HNRNPH1: variants seen among roughly 807,000 people sequenced by gnomAD.
HNRNPH1 encodes heterogeneous nuclear ribonucleoprotein H.
In HNRNPH1, 4 loss-of-function variants were observed where a neutral mutation model predicts 58.6. The observed-to-expected ratio is 0.07, with a 90% confidence interval of 0.03 to 0.16. The LOEUF (loss-of-function observed/expected upper bound fraction) is 0.16. HNRNPH1 is among the 10% of genes least tolerant of loss of function. HNRNPH1 has a pLI of 1.00. For synonymous variants in HNRNPH1, 192 were observed against 189.2 expected (o/e 1.01, Z -0.12); for missense variants, 271 against 564.2 (o/e 0.48, Z 5.26).
intron 11 of HNRNPH1, 195 bp from the exon 13 acceptor site, chr5:179,615,790 G>C: frequency 9.8e-6 from 5 of 512,270 alleles, no homozygotes; most frequent in Non-Finnish European, 1.8e-5. Flanking sequence ...ACAAAAAAGT[G>C]AACAACTTTA....
intron 12 of HNRNPH1, 152 bp downstream of exon 13, chr5:179,615,394 T>C (rs1258932475): frequency 5.8e-6 from 3 of 519,540 alleles, no homozygotes; most frequent in Non-Finnish European, 1.0e-5. Context: ...GGGCAGGAAG[T>C]GAGACAACCA....
chr5:179,630,509 A>T (rs911890448), intron 2 of HNRNPH1, among the ~76,000 whole-genome samples: 3 of 152,206 alleles, frequency 2.0e-5, no homozygotes, highest in African/African-American at 7.2e-5. Flanking sequence ...GATCATTTAA[A>T]AGAGTAATTA....
exon 13 of HNRNPH1, chr5:179,614,784 GAAAAAA>G (rs35827689): frequency 1.9e-3 from 827 of 445,302 alleles, no homozygotes; most frequent in Middle Eastern, 4.2e-3. Flanking sequence ...TTTTCTTAAA[GAAAAAA>G]AAAAAAAAAA....
chr5:179,624,186 C>T (rs758109446), exon 1 of HNRNPH1: 5 of 256,078 alleles, frequency 2.0e-5, no homozygotes, highest in East Asian at 1.4e-4. Context: ...ATCCCCAAAC[C>T]GGCCGAAGCT....
In HNRNPH1 at chr5:179,616,220, TGTTAA is replaced by T. The variant is rs149245830; in HGVS notation, c.1208-7_1208-3del. ...GGCCCCCGTAGCTGGACTGGTTTGCTGTTAAGTTAAGAAAACATTAGAACCTTTTT... is the reference window on the plus strand; with the variant it reads ...GGCCCCCGTAGCTGGACTGGTTTGCTGTTAAGAAAACATTAGAACCTTTTT... On this transcript the variant is annotated splice_polypyrimidine_tract_variant and splice_region_variant and intron_variant, in intron 10 of 12. Transcript: ENST00000356731. 3,147 of 1,613,524 alleles carry T rather than the reference TGTTAA, an allele frequency of 2.0e-3. 14 individuals carry two copies. Among genetic ancestry groups the T allele is most frequent in the African/African-American group, 0.017 (1,304 of 75,050 alleles).
At chr5:179,627,507 C>CT (rs879797533), upstream of HNRNPH1, among the ~76,000 whole-genome samples, 31 of 106,862 alleles carry the variant, frequency 2.9e-4, no homozygotes, top group South Asian at 6.5e-4. Flanking sequence ...TGATTTATGC[C>CT]TTTTTTTTTT....
chr5:179,632,575 C>A (rs1774933753), intron 2 of HNRNPH1, among the ~76,000 whole-genome samples: 1 of 152,076 alleles, frequency 6.6e-6, no homozygotes, highest in South Asian at 2.1e-4. Flanking sequence ...TCCAGCCGTC[C>A]GCTGAGGAGA....
chr5:179,616,278 C>T (rs1769602869), intron 10 of HNRNPH1, 60 bp from the exon 12 acceptor site: 1 of 1,312,554 alleles, frequency 7.6e-7, no homozygotes, highest in Non-Finnish European at 1.1e-6. Flanking sequence ...CCTGGTGGTA[C>T]CGGGCTTGTA....
intron 1 of HNRNPH1, 38 bp from the exon 3 acceptor site, chr5:179,621,435 C>T (rs757971453): frequency 1.3e-6 from 2 of 1,575,838 alleles, no homozygotes; most frequent in Non-Finnish European, 1.7e-6. Context: ...AATTTAAAAC[C>T]TAAAACCACC....
chr5:179,621,062 C>T, intron 2 of HNRNPH1, 27 bp from the exon 4 acceptor site: 1 of 1,608,932 alleles, frequency 6.2e-7, no homozygotes, highest in African/African-American at 1.3e-5. Context: ...GAATTAGTCA[C>T]TTTTGGAAAA....
chr5:179,615,375 A>G, intron 12 of HNRNPH1, 171 bp downstream of exon 13: 2 of 508,260 alleles, frequency 3.9e-6, no homozygotes, highest in South Asian at 3.7e-5. Context: ...TGCTTTTCCT[A>G]TTCATGGTGG....
At chr5:179,619,466 A>T in intron 3 of HNRNPH1, 59 bp from the exon 5 acceptor site, 1 of 1,496,788 alleles carries the variant, frequency 6.7e-7, no homozygotes. Flanking sequence ...ACAAGCCCAG[A>T]AATGATTCTT....
rs934558871 is a variant in HNRNPH1 at position 179,619,481 on chromosome 5, T to C, written c.398-74A>G. ...ACAAGCCCAGAAATGATTCTTCTTA[T>C]AGCTTTAAATAAACCAGAATTTTTA... On this transcript the variant is annotated intron_variant, in intron 3 of 12. Coordinates refer to ENST00000356731, the Ensembl canonical transcript of HNRNPH1. 30 of 1,393,938 alleles carry C rather than the reference T, an allele frequency of 2.2e-5. 1 individual carries two copies. The highest frequency in any genetic ancestry group is 1.3e-4 in the South Asian group (10 of 75,302). The allele number at this position is 1,393,938 out of a possible 1,614,324, so 86.3% of individuals were successfully genotyped here. A position where few individuals can be genotyped will look rare whatever the true frequency, so the allele number is the denominator to read the frequency against.
chr5:179,616,520 T>C, intron 10 of HNRNPH1: 2 of 516,248 alleles, frequency 3.9e-6, no homozygotes, highest in South Asian at 2.4e-5. Flanking sequence ...ATTTAGTGGG[T>C]TCCCCCTCAG....
In HNRNPH1 at chr5:179,619,619, T is replaced by C. The variant is rs1771312403; in HGVS notation, c.398-212A>G. 2.2e-5 allele frequency: 8 copies of C among 358,624 alleles called. No individual in the cohort carries two copies. In the South Asian group the frequency reaches 5.8e-4, roughly 26 times the overall value. 22.2% of individuals were successfully genotyped at this position (358,624 alleles called of 1,614,324 possible). On this transcript the variant is annotated intron_variant, in intron 3 of 12. Coordinates refer to ENST00000356731, the Ensembl canonical transcript of HNRNPH1. The stretch of plus-strand genomic sequence containing the variant: ...TTCTTAACACACCCATGGTACAGTA[T>C]ATATTAAAAAAAACTTGCTGAACAC...
At chr5:179,623,599 G>A (rs1164682395) in exon 1 of HNRNPH1, 2 of 157,276 alleles carry the variant, frequency 1.3e-5, no homozygotes, top group African/African-American at 4.8e-5. Flanking sequence ...ACCCACCGTG[G>A]TCGCTGAACT....
Position 179,620,861 on chromosome 5 carries a change from T to C in HNRNPH1, c.397+31A>G, listed in dbSNP as rs1562288802. ...CACCTTGCCATAAGCTAGCCAAAACTCACTGCTCAGCAACAAACATGACTA... is the reference window on the plus strand; with the variant it reads ...CACCTTGCCATAAGCTAGCCAAAACCCACTGCTCAGCAACAAACATGACTA... On this transcript the variant is annotated intron_variant, in intron 3 of 12. Coordinates refer to ENST00000356731, the Ensembl canonical transcript of HNRNPH1. 2.5e-6 allele frequency: 4 copies of C among 1,608,572 alleles called. No individual in the cohort carries two copies. In the East Asian group the frequency reaches 6.7e-5, roughly 27 times the overall value.
intron 2 of HNRNPH1, among the ~76,000 whole-genome samples, chr5:179,633,548 G>C (rs1775024425): frequency 6.8e-6 from 1 of 146,366 alleles, no homozygotes; most frequent in Non-Finnish European, 1.5e-5. Flanking sequence ...TCCTGACCTC[G>C]TGATCCACCT....
intron 6 of HNRNPH1, 22 bp downstream of exon 7, chr5:179,617,966 GA>G: frequency 6.2e-7 from 1 of 1,613,922 alleles, no homozygotes; most frequent in Non-Finnish European, 8.5e-7. Flanking sequence ...TCCTTCAACT[GA>G]GAAATTCAAT....
Sources: gnomAD v4.1 joint callset for allele counts (sites outside exome capture counted in the v4.1 genomes callset) on GRCh38, gnomAD v4.1.1 for gene constraint, MANE v1.5 for transcripts, NCBI Gene and HGNC (gene_info 2026-07-23, HGNC 2026-07-21) for gene names.